The following RERE variants were observed in gnomAD, a reference collection of about 807,000 sequenced individuals.
RERE encodes arginine-glutamic acid dipeptide repeats protein.
Under a neutral mutation model 146.1 loss-of-function variants are expected in RERE, and 40 were observed. That is an observed-to-expected ratio of 0.27 (90% CI 0.21 to 0.36). The LOEUF (loss-of-function observed/expected upper bound fraction) is 0.36, where lower values mean the gene tolerates loss of function less well. RERE is among the 10% of genes least tolerant of loss of function. The probability of loss-of-function intolerance (pLI) is 1.00; values close to 1 mark genes in which losing one functional copy is unlikely to be tolerated. For synonymous variants in RERE, 1,003 were observed against 866.0 expected (o/e 1.16, Z -2.78); for missense variants, 1,933 against 2,138.7 (o/e 0.90, Z 1.90).
chr1:8,650,508 A>T (rs992027161), intron 2 of RERE, among the ~76,000 whole-genome samples: 1 of 152,198 alleles, frequency 6.6e-6, no homozygotes, highest in Non-Finnish European at 1.5e-5. Flanking sequence ...CACGTCTGTA[A>T]TCCCAGCACT....
At chr1:8,590,355 CA>C (rs1164056204) in intron 4 of RERE, among the ~76,000 whole-genome samples, 1 of 152,030 alleles carries the variant, frequency 6.6e-6, no homozygotes, top group Non-Finnish European at 1.5e-5. Flanking sequence ...GCCATCAAAT[CA>C]AAAAGAGTCC....
intron 12 of RERE, among the ~76,000 whole-genome samples, chr1:8,414,348 C>T (rs1439932630): frequency 6.6e-6 from 1 of 152,000 alleles, no homozygotes; most frequent in African/African-American, 2.4e-5. Flanking sequence ...AGATCAAGAG[C>T]ATGCTGGCCA....
rs953669863 is a variant in RERE, at chr1:8,635,967, CTTATCTTATCTTATT to C, written c.326-11602_326-11588del. Among the ~76,000 whole-genome samples, 625 of 146,414 alleles carry C rather than the reference CTTATCTTATCTTATT, an allele frequency of 4.3e-3. 1 individual carries two copies. Among genetic ancestry groups the C allele is most frequent in the African/African-American group, 0.013 (502 of 38,856 alleles). The stretch of plus-strand genomic sequence containing the variant: ...TTTATTTTATCTTATCTTATCTTAT[CTTATCTTATCTTATT>C]TTATTTTATTTTATTTTATTTTTAA... On this transcript the variant is annotated intron_variant, in intron 2 of 22. Coordinates refer to ENST00000400908, the MANE Select transcript of RERE (RefSeq NM_001042681.2).
At chr1:8,496,598 T>C (rs554145147) in intron 9 of RERE, among the ~76,000 whole-genome samples, 82 of 152,318 alleles carry the variant, frequency 5.4e-4, no homozygotes, top group African/African-American at 1.7e-3. Flanking sequence ...TTGTTGTCGT[T>C]GCCAAGACCC....
At chr1:8,562,329 A>G (rs770550218) in intron 4 of RERE, among the ~76,000 whole-genome samples, 25 of 152,212 alleles carry the variant, frequency 1.6e-4, no homozygotes, top group Non-Finnish European at 3.5e-4. Flanking sequence ...TAATTTAACA[A>G]TGGCATAAAT....
chr1:8,619,289 CCTAA>C (rs1347278677), intron 3 of RERE, among the ~76,000 whole-genome samples: 2 of 152,118 alleles, frequency 1.3e-5, no homozygotes, highest in African/African-American at 2.4e-5. Context: ...CTTTAACATC[CCTAA>C]CTATCACCCC....
At chr1:8,401,245 T>C (rs1050091791) in intron 12 of RERE, among the ~76,000 whole-genome samples, 28 of 147,732 alleles carry the variant, frequency 1.9e-4, no homozygotes, top group African/African-American at 5.9e-4. Context: ...CGTAGCAAAC[T>C]GCATTTTCAA....
intron 2 of RERE, among the ~76,000 whole-genome samples, chr1:8,640,630 G>A (rs1647164320): frequency 1.3e-5 from 2 of 152,064 alleles, no homozygotes; most frequent in Admixed American, 6.5e-5. Flanking sequence ...CATTTTTAAT[G>A]GTGAAATAAT....
intron 1 of RERE, among the ~76,000 whole-genome samples, chr1:8,776,632 T>C (rs528624692): frequency 4.6e-5 from 7 of 152,316 alleles, no homozygotes; most frequent in African/African-American, 1.4e-4. Flanking sequence ...GCATGTAATA[T>C]ACAACTTACC....
At chr1:8,486,752 T>C (rs1644904199) in intron 10 of RERE, among the ~76,000 whole-genome samples, 1 of 74,064 alleles carries the variant, frequency 1.4e-5, no homozygotes, top group African/African-American at 5.9e-5. Flanking sequence ...GTGGAGTCCA[T>C]CTTAAAAAAA....
chr1:8,611,571 T>C (rs1018628673), intron 4 of RERE, among the ~76,000 whole-genome samples: 7 of 152,168 alleles, frequency 4.6e-5, no homozygotes, highest in African/African-American at 1.4e-4. Context: ...CCTACAATAC[T>C]GTCCTACTAT....
intron 4 of RERE, among the ~76,000 whole-genome samples, chr1:8,606,417 T>C (rs969066415): frequency 1.3e-5 from 2 of 152,154 alleles, no homozygotes; most frequent in South Asian, 4.1e-4. Context: ...TGGCTAGTAG[T>C]ACTAATATAC....
At chr1:8,638,890 C>CA (rs1471505521) in intron 2 of RERE, among the ~76,000 whole-genome samples, 5 of 150,110 alleles carry the variant, frequency 3.3e-5, no homozygotes, top group Non-Finnish European at 7.4e-5. Context: ...TCTCTTGCCT[C>CA]AGCCTTCTGA....
At chr1:8,416,517 C>A (rs1379907022) in intron 12 of RERE, among the ~76,000 whole-genome samples, 1 of 144,510 alleles carries the variant, frequency 6.9e-6, no homozygotes, top group Non-Finnish European at 1.5e-5. Flanking sequence ...ACCTGGGAGG[C>A]GGAGCTTGCA....
Position 8,467,819 on chromosome 1 carries a change from T to C in RERE, c.1105-1796A>G, listed in dbSNP as rs543722126. ...GCCACCACGCCCGGCTTATTTTTTG[T>C]ATTTTTAATAGAGATGGGGTTTCAT... On this transcript the variant is annotated intron_variant, in intron 10 of 22. Coordinates refer to ENST00000400908, the MANE Select transcript of RERE (RefSeq NM_001042681.2). Among the ~76,000 whole-genome samples the C allele has an allele frequency of 1.3e-4, 20 of 152,222 alleles. No individual in the cohort carries two copies. The East Asian group carries it at 3.5e-3, about 26-fold the overall frequency.
intron 1 of RERE, among the ~76,000 whole-genome samples, chr1:8,690,057 G>C (rs1419725875): frequency 1.3e-5 from 2 of 152,190 alleles, no homozygotes; most frequent in African/African-American, 2.4e-5. Context: ...TCTTCTGCAG[G>C]TATAAAATTT....
chr1:8,404,335 A>G (rs1570156563), intron 12 of RERE, among the ~76,000 whole-genome samples: 1 of 151,946 alleles, frequency 6.6e-6, no homozygotes, highest in South Asian at 2.1e-4. Flanking sequence ...GGAGAATGGC[A>G]TGAACCCAGG....
At chr1:8,368,799 G>A (rs975526727) in intron 12 of RERE, among the ~76,000 whole-genome samples, 4 of 152,138 alleles carry the variant, frequency 2.6e-5, no homozygotes, top group Admixed American at 6.5e-5. Flanking sequence ...AGCAGTTTAC[G>A]CCTGTAATAC....
chr1:8,796,562 G>GA (rs1553150484), intron 1 of RERE: 1 of 142,436 alleles, frequency 7.0e-6, no homozygotes, highest in Admixed American at 7.3e-5. Flanking sequence ...GAGATACTGC[G>GA]ATTTTTTTTT....
Sources: allele counts gnomAD v4.1 joint callset (sites outside exome capture counted in the v4.1 genomes callset), GRCh38; gene constraint gnomAD v4.1.1; transcripts MANE v1.5; gene names NCBI Gene and HGNC (gene_info 2026-07-23, HGNC 2026-07-21).